The following PIBF1 variants were observed in gnomAD, a reference collection of about 807,000 sequenced individuals.
PIBF1 encodes progesterone-induced-blocking factor 1.
In PIBF1, 90 loss-of-function variants were observed where a neutral mutation model predicts 112.5. The ratio of observed to expected loss-of-function variants is 0.80; its 90% CI spans 0.67 to 0.95. PIBF1 has a LOEUF of 0.95. PIBF1 is among the 40% of genes least tolerant of loss of function. The pLI is 0.00. For synonymous variants in PIBF1, 301 were observed against 288.6 expected (o/e 1.04, Z -0.44); for missense variants, 915 against 852.3 (o/e 1.07, Z -0.92).
intron 10 of PIBF1, among the ~76,000 whole-genome samples, chr13:72,883,958 G>A (rs926108779): frequency 1.3e-5 from 2 of 152,004 alleles, no homozygotes; most frequent in Non-Finnish European, 1.5e-5. Flanking sequence ...ATACATACAT[G>A]CATAAAATAA....
At chr13:72,973,285 T>TAA (rs11369773) in intron 15 of PIBF1, among the ~76,000 whole-genome samples, 15 of 134,860 alleles carry the variant, frequency 1.1e-4, no homozygotes, top group African/African-American at 2.7e-4. Flanking sequence ...TCCATCTCTT[T>TAA]AAAAAAAAGA....
intron 14 of PIBF1, among the ~76,000 whole-genome samples, chr13:72,960,967 C>T (rs1157033416): frequency 6.6e-6 from 1 of 151,532 alleles, no homozygotes. Context: ...TATGGCTCCA[C>T]TTTCACTATA....
At chr13:72,862,294 A>G (rs1401586177) in intron 10 of PIBF1, among the ~76,000 whole-genome samples, 1 of 152,200 alleles carries the variant, frequency 6.6e-6, no homozygotes, top group African/African-American at 2.4e-5. Flanking sequence ...CAAAATAAGT[A>G]AGTCATTTAC....
intron 14 of PIBF1, among the ~76,000 whole-genome samples, chr13:72,937,920 T>G (rs554802832): frequency 6.6e-4 from 100 of 152,330 alleles, no homozygotes; most frequent in Middle Eastern, 3.4e-3. Flanking sequence ...CTTGTGCTCT[T>G]TATTCCTTTT....
intron 5 of PIBF1, among the ~76,000 whole-genome samples, chr13:72,805,692 A>G (rs1285525598): frequency 6.6e-6 from 1 of 152,222 alleles, no homozygotes; most frequent in Non-Finnish European, 1.5e-5. Context: ...GACTTAAAGG[A>G]TGAACCTGAA....
At chr13:72,927,007 T>C (rs2041506104) in intron 13 of PIBF1, among the ~76,000 whole-genome samples, 1 of 152,304 alleles carries the variant, frequency 6.6e-6, no homozygotes, top group African/African-American at 2.4e-5. Context: ...TTTCTTCTAA[T>C]TCACCCTGCT....
intron 11 of PIBF1, among the ~76,000 whole-genome samples, chr13:72,901,936 T>C (rs1350955482): frequency 6.6e-6 from 1 of 151,614 alleles, no homozygotes; most frequent in African/African-American, 2.4e-5. Flanking sequence ...CAATTCACAA[T>C]TGCAAAATCG....
At chr13:72,879,463 G>A (rs1284068101) in intron 10 of PIBF1, among the ~76,000 whole-genome samples, 1 of 152,136 alleles carries the variant, frequency 6.6e-6, no homozygotes, top group Non-Finnish European at 1.5e-5. Context: ...AACCCTTGTT[G>A]GATAGATCTT....
chr13:73,006,593 CAT>C (rs1195343520), intron 17 of PIBF1, among the ~76,000 whole-genome samples: 1 of 152,120 alleles, frequency 6.6e-6, no homozygotes, highest in Non-Finnish European at 1.5e-5. Context: ...ATCTACCAGA[CAT>C]AGATTTTTTT....
At chr13:72,788,928 A>G (rs1365143357) in intron 2 of PIBF1, among the ~76,000 whole-genome samples, 1 of 152,224 alleles carries the variant, frequency 6.6e-6, no homozygotes, top group East Asian at 1.9e-4. Flanking sequence ...GTTTGTTACT[A>G]GGAATAGTCT....
rs149467896 is a variant in PIBF1 at position 72,926,313 on chromosome 13, G to A, written c.1731-4852G>A. ...TCATATTTATTTATAGATTATGTACGCATGTGCTATCATATGAATAGTATG... is the reference window on the plus strand; with the variant it reads ...TCATATTTATTTATAGATTATGTACACATGTGCTATCATATGAATAGTATG... On this transcript the variant is annotated intron_variant, in intron 13 of 17. Coordinates refer to ENST00000326291, the MANE Select transcript of PIBF1 (RefSeq NM_006346.4). 7.9e-4 allele frequency among the ~76,000 whole-genome samples: 120 copies of A among 152,256 alleles called. 1 individual carries two copies. In the East Asian group the frequency reaches 0.019, roughly 24 times the overall value.
At chr13:72,833,400 G>A (rs1168314748) in intron 8 of PIBF1, among the ~76,000 whole-genome samples, 4 of 152,218 alleles carry the variant, frequency 2.6e-5, no homozygotes, top group Non-Finnish European at 5.9e-5. Context: ...CCTCATCTTT[G>A]TGGATTTATC....
intron 6 of PIBF1, among the ~76,000 whole-genome samples, chr13:72,825,143 C>G (rs918284869): frequency 6.6e-6 from 1 of 151,940 alleles, no homozygotes; most frequent in Non-Finnish European, 1.5e-5. Context: ...ATAATAGATC[C>G]TTGGATTACC....
At position 72,853,564 on chromosome 13, in the gene PIBF1, C is replaced by T. The variant is rs771137017; in HGVS notation, c.1224-493C>T. ...CTTCTACTTTCTCCTGTCTGTCAAC[C>T]TGTGTTTCCTTCCCATTCCTTCCTA... On this transcript the variant is annotated intron_variant, in intron 9 of 17. Coordinates refer to ENST00000326291, the MANE Select transcript of PIBF1 (RefSeq NM_006346.4). 2.0e-5 allele frequency among the ~76,000 whole-genome samples: 3 copies of T among 152,132 alleles called. No individual in the cohort carries two copies. The East Asian group carries it at 5.8e-4, about 29-fold the overall frequency.
At chr13:72,823,272 C>T (rs1454549198) in intron 6 of PIBF1, among the ~76,000 whole-genome samples, 1 of 152,194 alleles carries the variant, frequency 6.6e-6, no homozygotes, top group East Asian at 1.9e-4. Context: ...CACGGATGAT[C>T]ATTGAAACAA....
intron 14 of PIBF1, among the ~76,000 whole-genome samples, chr13:72,950,164 T>C (rs1450435499): frequency 6.6e-6 from 1 of 152,206 alleles, no homozygotes; most frequent in Non-Finnish European, 1.5e-5. Context: ...GTGGTTTTCT[T>C]AGTTGGTTGG....
At chr13:72,820,397 A>G (rs1001432211) in intron 5 of PIBF1, among the ~76,000 whole-genome samples, 1 of 152,184 alleles carries the variant, frequency 6.6e-6, no homozygotes, top group African/African-American at 2.4e-5. Context: ...ATATGTGATG[A>G]TCTTTCGGGA....
intron 15 of PIBF1, 78 bp downstream of exon 15, chr13:72,965,482 T>C: frequency 8.5e-7 from 1 of 1,173,032 alleles, no homozygotes; most frequent in Non-Finnish European, 1.2e-6. Context: ...ATTTGGGTTG[T>C]AAATCATGAA....
intron 16 of PIBF1, among the ~76,000 whole-genome samples, chr13:72,976,738 A>G (rs1395512938): frequency 6.6e-6 from 1 of 152,252 alleles, no homozygotes; most frequent in African/African-American, 2.4e-5. Context: ...GTGACCCCCT[A>G]GAAATGCTTG....
Sources: gnomAD v4.1 joint callset for allele counts (sites outside exome capture counted in the v4.1 genomes callset) on GRCh38, gnomAD v4.1.1 for gene constraint, MANE v1.5 for transcripts, NCBI Gene and HGNC (gene_info 2026-07-23, HGNC 2026-07-21) for gene names.